Variants in DIS3 observed in about 807,000 individuals in gnomAD.
The protein encoded by DIS3 is DIS3 exosome endoribonuclease and 3'-5' exoribonuclease.
A neutral mutation model predicts 113.0 loss-of-function variants in DIS3; 103 were observed. That is an observed-to-expected ratio of 0.91 (90% CI 0.78 to 1.07). The LOEUF is 1.07. Among genes scored for constraint, DIS3 ranks in the 50% least tolerant of loss-of-function variants. The pLI is 0.00. For synonymous variants in DIS3, 402 were observed against 394.3 expected, an observed-to-expected ratio of 1.02 and a Z score of -0.23; for missense variants, 1,121 against 1,167.1, an observed-to-expected ratio of 0.96 and a Z score of 0.58.
Position 72,768,769 on chromosome 13 carries a change from G to A in DIS3, c.1883+16C>T, listed in dbSNP as rs756025252. On this transcript the variant is annotated intron_variant, in intron 14 of 20. Transcript: ENST00000377767. ...AGTATAAAAATTATCTTAATACTAT[G>A]AAAAACAAAATATACCCTTTTTCAA... 7 of 1,573,554 alleles carry A rather than the reference G, an allele frequency of 4.4e-6. No individual in the cohort carries two copies. The South Asian group carries it at 5.8e-5, about 13-fold the overall frequency.
chr13:72,770,719 G>GT (rs2033864983), intron 13 of DIS3, among the ~76,000 whole-genome samples, 185 bp downstream of exon 13: 2 of 151,886 alleles, frequency 1.3e-5, no homozygotes. Flanking sequence ...ACATGTATAT[G>GT]TTTTTTCTAT....
chr13:72,758,004 CTAACCACTT>C lies in DIS3; in HGVS notation c.*1782_*1790del, dbSNP rs2033532858. 5.1e-6 allele frequency: 1 copy of C among 196,456 alleles called. No individual in the cohort carries two copies. The highest frequency in any genetic ancestry group is 6.1e-5 in the Admixed American group (1 of 16,478). 12.2% of individuals were successfully genotyped at this position (196,456 alleles called of 1,614,324 possible). A position where few individuals can be genotyped will look rare whatever the true frequency, so the allele number is the denominator to read the frequency against. On this transcript the variant is annotated 3_prime_UTR_variant, in exon 21 of 21. Coordinates refer to ENST00000377767, the MANE Select transcript of DIS3 (RefSeq NM_014953.5). The stretch of plus-strand genomic sequence containing the variant: ...AGTAATATCATGGCCTTCACATTCA[CTAACCACTT>C]ACTGACTCACCCAGAGCCAGCTTCC...
chr13:72,770,575 C>G (rs1045322665), intron 13 of DIS3, among the ~76,000 whole-genome samples: 1 of 152,150 alleles, frequency 6.6e-6, no homozygotes, highest in Non-Finnish European at 1.5e-5. Context: ...GTGGCCTGTT[C>G]TGCATTCTTC....
chr13:72,769,486 AT>A (rs566984893), intron 13 of DIS3, among the ~76,000 whole-genome samples: 1 of 149,132 alleles, frequency 6.7e-6, no homozygotes, highest in South Asian at 2.1e-4. Flanking sequence ...GAAATCCATC[AT>A]TTTTTTTCCT....
At position 72,754,924 on chromosome 13, in the gene DIS3, G is replaced by A. The variant is rs1263412995; in HGVS notation, c.*4871C>T. ...AGACAGGGTCTCACTATGTTGCCAG[G>A]GCTAGTCCCAAACTCCTGGGCTCGT... On this transcript the variant is annotated 3_prime_UTR_variant, in exon 21 of 21. Coordinates refer to ENST00000377767, the MANE Select transcript of DIS3 (RefSeq NM_014953.5). 9.1e-6 allele frequency: 4 copies of A among 437,744 alleles called. No individual in the cohort carries two copies. Among genetic ancestry groups the A allele is most frequent in the Non-Finnish European group, 1.6e-5 (4 of 242,798 alleles). 27.1% of individuals were successfully genotyped at this position (437,744 alleles called of 1,614,324 possible).
At position 72,778,323 on chromosome 13, in the gene DIS3, C is replaced by A. The variant is rs774848523; in HGVS notation, c.444G>T (p.Ala148=). 9.4e-6 allele frequency: 15 copies of A among 1,600,074 alleles called. No homozygotes were observed. The South Asian group carries it at 1.5e-4, about 15-fold the overall frequency. Residue 148 remains alanine, a synonymous_variant, in exon 3 of 21, where the codon GCG becomes GCT. Transcript: ENST00000377767. ...GENANDRNDR[A]IRVAAKWYNE... ...TGTACCATTTTGCTGCTACTCGAAT[C>A]GCTCTATCATTCCTGTCATTAGCAT...
At chr13:72,771,261 T>G in intron 11 of DIS3, 116 bp from the exon 12 acceptor site, 1 of 812,796 alleles carries the variant, frequency 1.2e-6, no homozygotes, top group South Asian at 1.9e-5. Flanking sequence ...TTCTGCTTTT[T>G]GTAAATAGGA....
chr13:72,753,401 C>G lies in DIS3; in HGVS notation c.*6394G>C, dbSNP rs1366933478. ...AATACTCATTTTTGTCTACTAGGTACGATCACAAAATAACAGGAAAGCATT... is the reference window on the plus strand; with the variant it reads ...AATACTCATTTTTGTCTACTAGGTAGGATCACAAAATAACAGGAAAGCATT... On this transcript the variant is annotated 3_prime_UTR_variant, in exon 21 of 21. Transcript: ENST00000377767. The G allele has an allele frequency of 2.6e-5, 6 of 230,124 alleles. No homozygotes were observed. The highest frequency in any genetic ancestry group is 4.2e-5 in the Non-Finnish European group (5 of 118,800). 14.3% of individuals were successfully genotyped at this position (230,124 alleles called of 1,614,324 possible).
chr13:72,763,700 G>C (rs2033683702), intron 15 of DIS3, 93 bp from the exon 16 acceptor site: 3 of 1,231,238 alleles, frequency 2.4e-6, no homozygotes, highest in Admixed American at 5.6e-5. Context: ...TTACCAAGAA[G>C]ATAATAAGAG....
Position 72,759,625 on chromosome 13 carries a change from G to C in DIS3, c.*170C>G. On this transcript the variant is annotated 3_prime_UTR_variant, in exon 21 of 21. Transcript: ENST00000377767. ...TTCTGTTCAACCCAGAAGTATAGTA[G>C]TATGATGGGTCAGATACAGTCAACT... 5.2e-6 allele frequency: 3 copies of C among 573,756 alleles called. No homozygotes were observed. Among genetic ancestry groups the C allele is most frequent in the Non-Finnish European group, 9.3e-6 (3 of 323,540 alleles). 35.5% of individuals were successfully genotyped at this position (573,756 alleles called of 1,614,324 possible). A position where few individuals can be genotyped will look rare whatever the true frequency, so the allele number is the denominator to read the frequency against.
At chr13:72,770,352 T>A (rs1399908221) in intron 13 of DIS3, among the ~76,000 whole-genome samples, 1 of 152,166 alleles carries the variant, frequency 6.6e-6, no homozygotes, top group African/African-American at 2.4e-5. Context: ...GACCTAGCCC[T>A]TGTTTTTCTG....
Position 72,764,946 on chromosome 13 carries a change from T to C in DIS3, c.1970+1026A>G, listed in dbSNP as rs564098766. Reference sequence around the variant, plus strand: ...ATTAAACATACTTACACAGAAGTTCTACTATAAGGGATTGTTAGATATTAT... The same window carrying C: ...ATTAAACATACTTACACAGAAGTTCCACTATAAGGGATTGTTAGATATTAT... On this transcript the variant is annotated intron_variant, in intron 15 of 20. Coordinates refer to ENST00000377767, the MANE Select transcript of DIS3 (RefSeq NM_014953.5). Among the ~76,000 whole-genome samples, 13 of 152,308 alleles carry C rather than the reference T, an allele frequency of 8.5e-5. No individual in the cohort carries two copies. In the East Asian group the frequency reaches 2.5e-3, roughly 29 times the overall value.
intron 14 of DIS3, among the ~76,000 whole-genome samples, chr13:72,766,494 G>GT (rs1438558292): frequency 6.6e-6 from 1 of 151,966 alleles, no homozygotes; most frequent in Non-Finnish European, 1.5e-5. Flanking sequence ...GGGTAGCTTA[G>GT]TAACACCAGA....
At chr13:72,781,414 A>G in intron 1 of DIS3, 191 bp downstream of exon 1, 1 of 1,521,362 alleles carries the variant, frequency 6.6e-7, no homozygotes, top group Non-Finnish European at 8.8e-7. Context: ...TACGACTCCA[A>G]GAACTAAATT....
chr13:72,752,244 CTT>C lies in DIS3; in HGVS notation c.*7549_*7550del, dbSNP rs2033296232. 2 of 152,152 alleles carry C rather than the reference CTT, an allele frequency of 1.3e-5. No individual in the cohort carries two copies. Among genetic ancestry groups the C allele is most frequent in the Non-Finnish European group, 2.9e-5 (2 of 68,020 alleles). 9.4% of individuals were successfully genotyped at this position (152,152 alleles called of 1,614,324 possible). ...TTACATAGCAGTGAATAGAACATGA[CTT>C]TTTAATTTTTGTCCCCTCATCCTTC... On this transcript the variant is annotated 3_prime_UTR_variant, in exon 21 of 21. Coordinates refer to ENST00000377767, the MANE Select transcript of DIS3 (RefSeq NM_014953.5).
chr13:72,753,761 CAAAG>C lies in DIS3; in HGVS notation c.*6030_*6033del. The C allele has an allele frequency of 6.2e-7, 1 of 1,613,136 alleles. No individual in the cohort carries two copies. Among genetic ancestry groups the C allele is most frequent in the Non-Finnish European group, 8.5e-7 (1 of 1,179,466 alleles). On this transcript the variant is annotated 3_prime_UTR_variant, in exon 21 of 21. Coordinates refer to ENST00000377767, the MANE Select transcript of DIS3 (RefSeq NM_014953.5). ...ATACAGTTGGGGCAGAAAGTTACTG[CAAAG>C]AAAGTGATGCACAAACATGTGAAGT...
At chr13:72,769,555 T>C (rs2033837403) in intron 13 of DIS3, among the ~76,000 whole-genome samples, 3 of 151,502 alleles carry the variant, frequency 2.0e-5, no homozygotes, top group East Asian at 1.9e-4. Flanking sequence ...AGAAAGAGCA[T>C]AACAGAGTTA....
Position 72,755,277 on chromosome 13 carries a change from A to G in DIS3, c.*4518T>C, listed in dbSNP as rs2033427263. 3.6e-6 allele frequency: 5 copies of G among 1,392,144 alleles called. No homozygotes were observed. In the Admixed American group the frequency reaches 5.1e-5, roughly 14 times the overall value. 86.2% of individuals were successfully genotyped at this position (1,392,144 alleles called of 1,614,324 possible). On this transcript the variant is annotated 3_prime_UTR_variant, in exon 21 of 21. Transcript: ENST00000377767. ...GTTCCTCGCATATATCGTTGTGCAC[A>G]GGATCAACATGATGGTGACTGGGAA...
chr13:72,768,971 T>A, intron 13 of DIS3, 59 bp from the exon 14 acceptor site: 1 of 1,151,026 alleles, frequency 8.7e-7, no homozygotes, highest in Non-Finnish European at 1.2e-6. Flanking sequence ...TGGTTTTCAA[T>A]ATGTCCTCCT....
Sources: gnomAD v4.1 joint callset for allele counts (sites outside exome capture counted in the v4.1 genomes callset) on GRCh38, gnomAD v4.1.1 for gene constraint, MANE v1.5 for transcripts, NCBI Gene and HGNC (gene_info 2026-07-23, HGNC 2026-07-21) for gene names.